The following NRIP3 variants were observed in gnomAD, a reference collection of about 807,000 sequenced individuals.
The protein encoded by NRIP3 is nuclear receptor interacting protein 3, also known as nuclear receptor-interacting protein 3.
NRIP3 carries 31 observed loss-of-function variants against 29.0 expected under a neutral mutation model. That is an observed-to-expected ratio of 1.07 (90% CI 0.80 to 1.44). NRIP3 has a LOEUF of 1.44. Ranked by LOEUF, NRIP3 falls within the 40% of genes most tolerant of loss-of-function variation. The pLI is 0.00. For missense variants in NRIP3, 314 were observed against 297.9 expected (o/e 1.05, Z -0.40); for synonymous variants, 131 against 118.3 (o/e 1.11, Z -0.70).
intron 3 of NRIP3, among the ~76,000 whole-genome samples, chr11:8,986,085 G>A (rs948805682): frequency 6.6e-6 from 1 of 152,186 alleles, no homozygotes; most frequent in South Asian, 2.1e-4. Flanking sequence ...CATCACTTAT[G>A]TGTATTGGTG....
At chr11:8,995,986 G>GTC (rs370479503) in intron 1 of NRIP3, among the ~76,000 whole-genome samples, 8 of 152,050 alleles carry the variant, frequency 5.3e-5, no homozygotes, top group African/African-American at 1.9e-4. Flanking sequence ...TATCTTCCAG[G>GTC]TCTCTGTTCA....
At chr11:8,985,928 T>A (rs914218451) in intron 3 of NRIP3, 78 bp from the exon 4 acceptor site, 1 of 1,513,120 alleles carries the variant, frequency 6.6e-7, no homozygotes, top group Non-Finnish European at 9.1e-7. Context: ...CCTTCTGACC[T>A]ACAATTGGAA....
At chr11:9,001,665 A>C (rs186668210) in intron 1 of NRIP3, among the ~76,000 whole-genome samples, 1 of 152,370 alleles carries the variant, frequency 6.6e-6, no homozygotes, top group Admixed American at 6.5e-5. Flanking sequence ...GTAAAAGAAT[A>C]ATAATGTACT....
At chr11:8,984,262 AT>A (rs1054718442) in intron 4 of NRIP3, 138 bp from the exon 5 acceptor site, 1,084 of 482,820 alleles carry the variant, frequency 2.2e-3, no homozygotes, top group Middle Eastern at 3.7e-3. Flanking sequence ...TTTTTTTTTT[AT>A]TTTTTTTTTA....
Position 8,983,370 on chromosome 11 carries a change from A to G in NRIP3, c.*175T>C, listed in dbSNP as rs2134903841. The G allele has an allele frequency of 6.5e-6, 4 of 612,272 alleles. No homozygotes were observed. The East Asian group carries it at 1.1e-4, about 17-fold the overall frequency. 37.9% of individuals were successfully genotyped at this position (612,272 alleles called of 1,614,324 possible). On this transcript the variant is annotated 3_prime_UTR_variant, in exon 7 of 7. Coordinates refer to ENST00000309166, the MANE Select transcript of NRIP3 (RefSeq NM_020645.3). ...ATGGCCATAACCAGACAAGATCTCT[A>G]AGCATAGACTATAGTCTAGAGAGGT...
chr11:8,994,549 T>C (rs979468307), intron 1 of NRIP3, among the ~76,000 whole-genome samples: 2 of 152,264 alleles, frequency 1.3e-5, no homozygotes, highest in Admixed American at 6.5e-5. Context: ...TTTTCTTATG[T>C]CTGCCCTACT....
intron 1 of NRIP3, among the ~76,000 whole-genome samples, chr11:8,996,328 C>A (rs764231530): frequency 1.7e-5 from 2 of 119,548 alleles, no homozygotes; most frequent in African/African-American, 6.4e-5. Context: ...GTCTCCCAGG[C>A]TGGAGTGCAG....
At chr11:8,999,333 G>A (rs1215514898) in intron 1 of NRIP3, among the ~76,000 whole-genome samples, 1 of 152,100 alleles carries the variant, frequency 6.6e-6, no homozygotes, top group Non-Finnish European at 1.5e-5. Context: ...TTATCACACT[G>A]CTCTGAGGTA....
At chr11:8,985,973 A>C (rs1854515575) in intron 3 of NRIP3, 123 bp from the exon 4 acceptor site, 7 of 1,141,466 alleles carry the variant, frequency 6.1e-6, no homozygotes, top group Non-Finnish European at 8.9e-6. Context: ...ATCTACCGAA[A>C]AGTGCTAGCC....
intron 1 of NRIP3, among the ~76,000 whole-genome samples, chr11:8,988,518 T>G (rs192072409): frequency 1.3e-5 from 2 of 152,120 alleles, no homozygotes; most frequent in African/African-American, 4.8e-5. Context: ...CACTGGGAAA[T>G]GTGGAGAGGG....
chr11:8,989,938 C>T (rs1854572260), intron 1 of NRIP3, among the ~76,000 whole-genome samples: 1 of 152,104 alleles, frequency 6.6e-6, no homozygotes, highest in Non-Finnish European at 1.5e-5. Context: ...AGCCCTCTTA[C>T]CTAAAGTTTG....
Position 8,988,269 on chromosome 11 carries a change from A to G in NRIP3, c.188T>C (p.Ile63Thr). 1 of 1,613,926 alleles carries G rather than the reference A, an allele frequency of 6.2e-7. No individual in the cohort carries two copies. Reference sequence around the variant, plus strand: ...GGTTTCCATGAGGCGCCTCTGCAGAATATTATGAGGTTGCTTGAGGGATAG... The same window carrying G: ...GGTTTCCATGAGGCGCCTCTGCAGAGTATTATGAGGTTGCTTGAGGGATAG... ...GSSKDMQPHN[I>T]LQRRLMETNL... The change falls in exon 2 of 7, where the codon ATT (isoleucine) becomes ACT (threonine). Residue 63 changes from isoleucine (I) to threonine (T), a missense_variant. By Grantham distance (89) the Ile-to-Thr change is moderately conservative. Coordinates refer to ENST00000309166, the MANE Select transcript of NRIP3 (RefSeq NM_020645.3).
In NRIP3 at chr11:8,982,290, G is replaced by C. The variant is rs1589956694; in HGVS notation, c.*1255C>G. On this transcript the variant is annotated 3_prime_UTR_variant, in exon 7 of 7. Coordinates refer to ENST00000309166, the MANE Select transcript of NRIP3 (RefSeq NM_020645.3). Reference sequence around the variant, plus strand: ...TAAAAAGTTGTCCTTAACATTGCCGGCTCCTGCTCTGCCTCTTTCCTTGTA... The same window carrying C: ...TAAAAAGTTGTCCTTAACATTGCCGCCTCCTGCTCTGCCTCTTTCCTTGTA... The C allele has an allele frequency of 6.6e-6, 1 of 152,198 alleles. No homozygotes were observed. The highest frequency in any genetic ancestry group is 1.5e-5 in the Non-Finnish European group (1 of 68,042). The allele number at this position is 152,198 out of a possible 1,614,324, so 9.4% of individuals were successfully genotyped here.
At chr11:8,984,824 T>C (rs1402570178) in intron 4 of NRIP3, among the ~76,000 whole-genome samples, 1 of 152,076 alleles carries the variant, frequency 6.6e-6, no homozygotes, top group Non-Finnish European at 1.5e-5. Flanking sequence ...TTTTCACCTA[T>C]ACATAAAAAT....
At chr11:8,997,769 T>C (rs1020760448) in intron 1 of NRIP3, among the ~76,000 whole-genome samples, 68 of 152,208 alleles carry the variant, frequency 4.5e-4, no homozygotes, top group African/African-American at 1.5e-3. Flanking sequence ...AATCAGACTA[T>C]AGTGCAGGAT....
chr11:9,004,028 T>A, upstream of NRIP3: 5 of 1,249,206 alleles, frequency 4.0e-6, no homozygotes, highest in Non-Finnish European at 5.2e-6. Context: ...GCCGCGCCTT[T>A]TATAGCCGAG....
intron 4 of NRIP3, among the ~76,000 whole-genome samples, chr11:8,985,339 T>C (rs893610581): frequency 5.9e-5 from 9 of 151,620 alleles, no homozygotes; most frequent in Admixed American, 3.9e-4. Context: ...CTGGCTAATT[T>C]TTTGTATTTT....
intron 1 of NRIP3, among the ~76,000 whole-genome samples, chr11:8,996,771 C>T (rs1387899212): frequency 5.3e-5 from 8 of 152,214 alleles, no homozygotes; most frequent in Non-Finnish European, 8.8e-5. Flanking sequence ...ATACACAGTA[C>T]TGACCAGGTG....
intron 1 of NRIP3, 33 bp downstream of exon 1, chr11:9,003,729 G>A (rs764499799): frequency 2.2e-6 from 3 of 1,374,016 alleles, no homozygotes; most frequent in Non-Finnish European, 1.9e-6. Context: ...CGAAGCCGCC[G>A]GGGCCGGGGC....
Sources: gnomAD v4.1 joint callset for allele counts (sites outside exome capture counted in the v4.1 genomes callset) on GRCh38, gnomAD v4.1.1 for gene constraint, MANE v1.5 for transcripts, NCBI Gene and HGNC (gene_info 2026-07-23, HGNC 2026-07-21) for gene names.